DNAJC1: variants seen among roughly 807,000 people sequenced by gnomAD.
The protein encoded by DNAJC1 is dnaJ homolog subfamily C member 1.
DNAJC1 carries 58 observed loss-of-function variants against 76.6 expected under a neutral mutation model. That is an observed-to-expected ratio of 0.76 (90% CI 0.61 to 0.94). DNAJC1 has a LOEUF of 0.94. DNAJC1 is among the 40% of genes least tolerant of loss of function. The pLI, the probability that DNAJC1 is intolerant of heterozygous loss-of-function variation, is 0.00. For synonymous variants in DNAJC1, 258 were observed against 267.9 expected, an observed-to-expected ratio of 0.96 and a Z score of 0.36; for missense variants, 689 against 677.3, an observed-to-expected ratio of 1.02 and a Z score of -0.19.
chr10:21,957,141 C>T (rs1278802892), intron 1 of DNAJC1, among the ~76,000 whole-genome samples: 4 of 152,034 alleles, frequency 2.6e-5, no homozygotes, highest in Non-Finnish European at 5.9e-5. Context: ...CCACCCGCCT[C>T]GGCCTCCCAA....
intron 1 of DNAJC1, among the ~76,000 whole-genome samples, chr10:21,967,619 C>T (rs1837914072): frequency 6.6e-6 from 1 of 152,120 alleles, no homozygotes. Context: ...TAGGCTAAGA[C>T]CCTGTAACAA....
chr10:21,947,067 G>A (rs1366835032), intron 1 of DNAJC1, among the ~76,000 whole-genome samples: 1 of 152,110 alleles, frequency 6.6e-6, no homozygotes, highest in African/African-American at 2.4e-5. Flanking sequence ...CTGTAAGAAA[G>A]AAGTATATTT....
At chr10:21,980,938 A>C (rs1443228943) in intron 1 of DNAJC1, among the ~76,000 whole-genome samples, 1 of 152,148 alleles carries the variant, frequency 6.6e-6, no homozygotes, top group African/African-American at 2.4e-5. Flanking sequence ...CCTTAAAAAA[A>C]AATTCAGTTT....
chr10:21,929,475 A>G (rs1212535251), intron 1 of DNAJC1, among the ~76,000 whole-genome samples: 2 of 152,240 alleles, frequency 1.3e-5, no homozygotes, highest in African/African-American at 4.8e-5. Context: ...GAAACAAATT[A>G]AAAATTAATA....
intron 1 of DNAJC1, among the ~76,000 whole-genome samples, chr10:21,984,185 TAAA>T (rs1230083510): frequency 6.6e-6 from 1 of 152,172 alleles, no homozygotes; most frequent in African/African-American, 2.4e-5. Flanking sequence ...AAAAATTACT[TAAA>T]GAACAACCCC....
intron 8 of DNAJC1, among the ~76,000 whole-genome samples, chr10:21,812,426 CAT>C (rs1283650230): frequency 1.3e-5 from 2 of 152,070 alleles, no homozygotes; most frequent in Admixed American, 6.6e-5. Context: ...AGTACGTGTT[CAT>C]GTCTTTTGAC....
chr10:21,898,429 C>T (rs1237920170), intron 7 of DNAJC1, among the ~76,000 whole-genome samples: 1 of 152,112 alleles, frequency 6.6e-6, no homozygotes, highest in Non-Finnish European at 1.5e-5. Context: ...CGTAGTGATG[C>T]TGGTATAAAC....
At chr10:21,907,577 G>A (rs1325578897) in intron 6 of DNAJC1, among the ~76,000 whole-genome samples, 1 of 151,980 alleles carries the variant, frequency 6.6e-6, no homozygotes, top group East Asian at 1.9e-4. Flanking sequence ...AAGAAGACTG[G>A]GGATAACTTC....
At chr10:21,891,476 CAAAAAAAAAAA>C (rs369729722) in intron 7 of DNAJC1, among the ~76,000 whole-genome samples, 6 of 38,862 alleles carry the variant, frequency 1.5e-4, no homozygotes, top group African/African-American at 4.7e-4. Flanking sequence ...ACAAAGTAGA[CAAAAAAAAAAA>C]AAAAAAAAGA....
intron 6 of DNAJC1, among the ~76,000 whole-genome samples, chr10:21,918,223 A>C (rs1213104725): frequency 6.6e-6 from 1 of 151,940 alleles, no homozygotes; most frequent in African/African-American, 2.4e-5. Context: ...TCTAAATATG[A>C]TACATATCCA....
intron 1 of DNAJC1, among the ~76,000 whole-genome samples, chr10:21,975,125 A>G (rs1216365301): frequency 6.6e-6 from 1 of 152,112 alleles, no homozygotes; most frequent in Non-Finnish European, 1.5e-5. Context: ...TTATATATGT[A>G]ATGTTTTCAT....
intron 8 of DNAJC1, among the ~76,000 whole-genome samples, chr10:21,851,455 C>A (rs1835750861): frequency 6.6e-6 from 1 of 152,094 alleles, no homozygotes. Flanking sequence ...GTGGCTATAA[C>A]AATCACAACC....
chr10:21,894,860 G>A (rs752062339), intron 7 of DNAJC1, among the ~76,000 whole-genome samples: 23 of 152,078 alleles, frequency 1.5e-4, no homozygotes, highest in Admixed American at 5.2e-4. Context: ...TGCCATGTGA[G>A]CACACAGCAT....
In DNAJC1 at chr10:21,996,784, A is replaced by C. The variant is rs557953432; in HGVS notation, c.222+6429T>G. 1.8e-4 allele frequency among the ~76,000 whole-genome samples: 28 copies of C among 152,374 alleles called. No homozygotes were observed. The South Asian group carries it at 5.8e-3, about 32-fold the overall frequency. On this transcript the variant is annotated intron_variant, in intron 1 of 11. Coordinates refer to ENST00000376980, the MANE Select transcript of DNAJC1 (RefSeq NM_022365.4). ...TCACAATAGACTTGCTTTATCCCAT[A>C]AAATTGGCTCAGGCATCTTCCACTA...
At chr10:21,999,253 G>A (rs974200928) in intron 1 of DNAJC1, among the ~76,000 whole-genome samples, 3 of 152,244 alleles carry the variant, frequency 2.0e-5, no homozygotes, top group Middle Eastern at 3.4e-3. Context: ...GCCTGTGACC[G>A]CCATACGGTT....
At chr10:21,763,583 T>A (rs1412269170) in intron 10 of DNAJC1, among the ~76,000 whole-genome samples, 6 of 150,852 alleles carry the variant, frequency 4.0e-5, no homozygotes, top group African/African-American at 1.2e-4. Context: ...TTTTTTTTTT[T>A]AGACCCTACG....
chr10:21,781,718 CAAAAAAA>C (rs1298897674), intron 9 of DNAJC1, among the ~76,000 whole-genome samples: 927 of 87,316 alleles, frequency 0.011, 6 homozygotes, highest in Non-Finnish European at 0.013. Flanking sequence ...GCGACTGTCT[CAAAAAAA>C]AAAAAAAAAA....
At chr10:21,958,402 A>G (rs533210753) in intron 1 of DNAJC1, among the ~76,000 whole-genome samples, 1 of 150,792 alleles carries the variant, frequency 6.6e-6, no homozygotes, top group Non-Finnish European at 1.5e-5. Context: ...ACCCAAAAAG[A>G]TTCCTTGTAC....
intron 7 of DNAJC1, among the ~76,000 whole-genome samples, chr10:21,893,564 T>G (rs1231284171): frequency 1.3e-5 from 2 of 149,636 alleles, no homozygotes; most frequent in Admixed American, 1.3e-4. Flanking sequence ...GGGGCGGAGG[T>G]TGCAGTGAGC....
Sources: allele counts gnomAD v4.1 joint callset (sites outside exome capture counted in the v4.1 genomes callset), GRCh38; gene constraint gnomAD v4.1.1; transcripts MANE v1.5; gene names NCBI Gene and HGNC (gene_info 2026-07-23, HGNC 2026-07-21).